NRXN3: variants seen among roughly 807,000 people sequenced by gnomAD.
The protein encoded by NRXN3 is neurexin III.
In NRXN3, 32 loss-of-function variants were observed where a neutral mutation model predicts 137.6. That is an observed-to-expected ratio of 0.23 (90% CI 0.18 to 0.31). The LOEUF (loss-of-function observed/expected upper bound fraction) is 0.31. NRXN3 is among the 10% of genes least tolerant of loss of function. The probability of loss-of-function intolerance (pLI) is 1.00; values close to 1 mark genes in which losing one functional copy is unlikely to be tolerated. For missense variants in NRXN3, 1,574 were observed against 2,062.5 expected (o/e 0.76, Z 4.59); for synonymous variants, 798 against 784.5 (o/e 1.02, Z -0.29).
intron 20 of NRXN3, among the ~76,000 whole-genome samples, chr14:79,842,351 T>C (rs2099357683): frequency 6.6e-6 from 1 of 152,178 alleles, no homozygotes; most frequent in Non-Finnish European, 1.5e-5. Flanking sequence ...AGTAAAATTG[T>C]AGCAGAGACC....
At position 78,904,781 on chromosome 14, in the gene NRXN3, C is replaced by G. The variant is rs73323326; in HGVS notation, c.2276-52461C>G. The stretch of plus-strand genomic sequence containing the variant: ...ATGAAACTCTGATTTATTTCCTCTT[C>G]TCTTTTCCATAGTTCTCCTGACTTC... On this transcript the variant is annotated intron_variant, in intron 10 of 20. Coordinates refer to ENST00000335750, the MANE Select transcript of NRXN3 (RefSeq NM_001330195.2). Among the ~76,000 whole-genome samples the G allele has an allele frequency of 8.3e-3, 1,267 of 152,138 alleles. 27 individuals carry two copies. The highest frequency in any genetic ancestry group is 0.029 in the African/African-American group (1,201 of 41,540).
rs756420166 is a variant in NRXN3, at chr14:79,027,151, A to G, written c.3262+39010A>G. On this transcript the variant is annotated intron_variant, in intron 15 of 20. Transcript: ENST00000335750. Reference sequence around the variant, plus strand: ...TAGATATTTTAAAAACTTTACTTATATCTATTTGAAATGTGTTAAAAAGCC... The same window carrying G: ...TAGATATTTTAAAAACTTTACTTATGTCTATTTGAAATGTGTTAAAAAGCC... 1.7e-3 allele frequency among the ~76,000 whole-genome samples: 254 copies of G among 150,712 alleles called. 3 individuals are homozygous for G. Among genetic ancestry groups the G allele is most frequent in the Non-Finnish European group, 2.5e-3 (172 of 67,734 alleles).
At chr14:79,464,289 A>G (rs2096392654) in intron 15 of NRXN3, among the ~76,000 whole-genome samples, 1 of 152,130 alleles carries the variant, frequency 6.6e-6, no homozygotes, top group African/African-American at 2.4e-5. Context: ...TTCACCTATA[A>G]AGTTAGAATC....
chr14:79,627,220 C>T (rs1448682996), intron 16 of NRXN3, among the ~76,000 whole-genome samples: 2 of 152,164 alleles, frequency 1.3e-5, no homozygotes, highest in East Asian at 3.9e-4. Flanking sequence ...TATGGCAGTT[C>T]TGGCAAATAT....
intron 8 of NRXN3, among the ~76,000 whole-genome samples, chr14:78,798,931 G>C (rs974260444): frequency 1.3e-5 from 2 of 152,232 alleles, no homozygotes; most frequent in Non-Finnish European, 2.9e-5. Flanking sequence ...CACACAGCGA[G>C]GGGTTTGGGG....
At chr14:79,260,581 G>A (rs2077448065) in intron 15 of NRXN3, among the ~76,000 whole-genome samples, 1 of 152,014 alleles carries the variant, frequency 6.6e-6, no homozygotes. Flanking sequence ...TCTCAGTTTG[G>A]GGGCTGAATT....
intron 4 of NRXN3, among the ~76,000 whole-genome samples, chr14:78,321,128 A>G (rs1388258738): frequency 6.6e-6 from 1 of 151,534 alleles, no homozygotes; most frequent in Non-Finnish European, 1.5e-5. Context: ...AAAAAAAGAA[A>G]AAAGAAAAAG....
chr14:79,773,063 CA>C (rs1177215688), intron 19 of NRXN3, among the ~76,000 whole-genome samples: 4 of 152,104 alleles, frequency 2.6e-5, no homozygotes, highest in African/African-American at 9.7e-5. Flanking sequence ...AAATGCAAAT[CA>C]AAACCACAAT....
chr14:79,148,043 G>A (rs1397217913), intron 15 of NRXN3, among the ~76,000 whole-genome samples: 2 of 152,044 alleles, frequency 1.3e-5, no homozygotes, highest in Admixed American at 6.6e-5. Context: ...AGAATCATAC[G>A]TATAAAAATT....
At chr14:78,820,025 G>A (rs1023133317) in intron 10 of NRXN3, among the ~76,000 whole-genome samples, 7 of 151,996 alleles carry the variant, frequency 4.6e-5, no homozygotes, top group Admixed American at 6.6e-5. Context: ...ATCACTGTTT[G>A]TTAATAAAGT....
chr14:78,922,399 A>G (rs2099273087), intron 10 of NRXN3, among the ~76,000 whole-genome samples: 1 of 152,226 alleles, frequency 6.6e-6, no homozygotes, highest in South Asian at 2.1e-4. Flanking sequence ...TTTCTAAAAT[A>G]TCTTTTCTAT....
intron 15 of NRXN3, among the ~76,000 whole-genome samples, chr14:79,390,145 G>A (rs529037299): frequency 2.7e-4 from 41 of 151,762 alleles, no homozygotes; most frequent in Admixed American, 1.8e-3. Flanking sequence ...GTGAAACCCC[G>A]TCTCTACTAA....
chr14:78,965,936 A>G (rs1273422259), intron 11 of NRXN3, 89 bp from the exon 12 acceptor site: 4 of 1,425,580 alleles, frequency 2.8e-6, no homozygotes, highest in Middle Eastern at 2.5e-4. Flanking sequence ...TTCTGTGTGG[A>G]AACAGGTTAC....
At chr14:79,081,374 G>A (rs1212720442) in intron 15 of NRXN3, among the ~76,000 whole-genome samples, 1 of 152,088 alleles carries the variant, frequency 6.6e-6, no homozygotes, top group African/African-American at 2.4e-5. Flanking sequence ...CCAACTCTTT[G>A]GGAGGCCGAG....
chr14:78,368,414 T>TA (rs1268735324), intron 4 of NRXN3, among the ~76,000 whole-genome samples: 2 of 152,172 alleles, frequency 1.3e-5, no homozygotes, highest in African/African-American at 4.8e-5. Flanking sequence ...AAATGGGATG[T>TA]AAAAAATTGG....
intron 4 of NRXN3, among the ~76,000 whole-genome samples, chr14:78,510,059 T>TATATATATATATATATATATATATA (rs1567797721): frequency 4.7e-5 from 7 of 148,352 alleles, no homozygotes; most frequent in South Asian, 2.1e-4. Flanking sequence ...TATATATATA[T>TATATATATATATATATATATATATA]TTTGGCAATG....
intron 4 of NRXN3, among the ~76,000 whole-genome samples, chr14:78,304,418 G>A (rs2077163549): frequency 6.6e-6 from 1 of 152,150 alleles, no homozygotes; most frequent in African/African-American, 2.4e-5. Flanking sequence ...AACTGAGCAG[G>A]GTGGGTAGGC....
chr14:79,250,609 A>T (rs1050725765), intron 15 of NRXN3, among the ~76,000 whole-genome samples: 2 of 152,206 alleles, frequency 1.3e-5, no homozygotes, highest in East Asian at 3.8e-4. Flanking sequence ...ATAATCCCAG[A>T]TTCATCTCTC....
At chr14:79,405,952 CAAGTATTTA>C (rs1488337201) in intron 15 of NRXN3, among the ~76,000 whole-genome samples, 1 of 152,122 alleles carries the variant, frequency 6.6e-6, no homozygotes. Flanking sequence ...AGCCATTCAA[CAAGTATTTA>C]ATGAATACCT....
Sources: gnomAD v4.1 joint callset for allele counts (sites outside exome capture counted in the v4.1 genomes callset) on GRCh38, gnomAD v4.1.1 for gene constraint, MANE v1.5 for transcripts, NCBI Gene and HGNC (gene_info 2026-07-23, HGNC 2026-07-21) for gene names.